The following FANCA variants were observed in gnomAD, a reference collection of about 807,000 sequenced individuals.
FANCA encodes the protein Fanconi anemia group A protein.
FANCA carries 236 observed loss-of-function variants against 194.3 expected under a neutral mutation model. That is an observed-to-expected ratio of 1.21 (90% CI 1.09 to 1.35). The LOEUF (loss-of-function observed/expected upper bound fraction) is 1.35. Among genes scored for constraint, FANCA ranks in the 40% most tolerant of loss-of-function variants. The pLI is 0.00. For missense variants in FANCA, 2,628 were observed against 1,813.9 expected, an observed-to-expected ratio of 1.45 and a Z score of -8.15; for synonymous variants, 1,014 against 715.8, an observed-to-expected ratio of 1.42 and a Z score of -6.65.
chr16:89,816,372 G>T (rs1398955116), intron 1 of FANCA, 165 bp downstream of exon 1: 1 of 434,976 alleles, frequency 2.3e-6, no homozygotes, highest in African/African-American at 2.1e-5. Context: ...GGCCGGGTCC[G>T]AGGCAGCCGC....
intron 6 of FANCA, among the ~76,000 whole-genome samples, chr16:89,807,686 C>T (rs992644098): frequency 1.3e-5 from 2 of 151,596 alleles, no homozygotes; most frequent in Non-Finnish European, 2.9e-5. Flanking sequence ...AGATGGAGCC[C>T]ATCCTGGCTA....
At chr16:89,762,877 C>T (rs1263079089) in intron 28 of FANCA, 1 of 331,526 alleles carries the variant, frequency 3.0e-6, no homozygotes, top group Non-Finnish European at 6.3e-6. Flanking sequence ...CCGAGGCAGG[C>T]AGATCACGAG....
intron 20 of FANCA, among the ~76,000 whole-genome samples, chr16:89,776,117 T>C (rs186940361): frequency 2.0e-5 from 3 of 149,922 alleles, no homozygotes; most frequent in Admixed American, 2.0e-4. Flanking sequence ...TCTCATACAA[T>C]TTTTGGTAAT....
chr16:89,779,027 T>C (rs1345218800), intron 18 of FANCA, 24 bp from the exon 19 acceptor site: 1 of 1,611,462 alleles, frequency 6.2e-7, no homozygotes, highest in Non-Finnish European at 8.5e-7. Flanking sequence ...AAGCAGACAG[T>C]GCATCAGTCA....
At position 89,745,034 on chromosome 16, in the gene FANCA, C is replaced by T. The variant is rs147672303; in HGVS notation, c.3551G>A (p.Arg1184Gln). ...CGGGCTCTGGCAGTGTCTCCTCCAC[C>T]GGCAGAGCAGCACAGGCTCCAGGCT... Reference protein sequence around the residue: ...WPSLEPVLLCRWRRHCQSPLP... With the variant: ...WPSLEPVLLCQWRRHCQSPLP... The change falls in exon 36 of 43, where the codon CGG becomes CAG. Residue 1184 changes from arginine to glutamine, a missense_variant. Transcript: ENST00000389301. 8.7e-6 allele frequency: 14 copies of T among 1,609,862 alleles called. No homozygotes were observed. The highest frequency in any genetic ancestry group is 1.3e-5 in the African/African-American group (1 of 74,922).
At chr16:89,740,592 C>T in intron 38 of FANCA, 1 of 581,304 alleles carries the variant, frequency 1.7e-6, no homozygotes. Context: ...GCTGAGATCA[C>T]ACCACTGCAC....
intron 20 of FANCA, 145 bp downstream of exon 20, chr16:89,778,656 A>AG: frequency 3.1e-6 from 2 of 647,128 alleles, no homozygotes; most frequent in Non-Finnish European, 5.2e-6. Flanking sequence ...AAAAAAAAAA[A>AG]AGTAACCAAC....
intron 32 of FANCA, among the ~76,000 whole-genome samples, 173 bp from the exon 33 acceptor site, chr16:89,748,940 C>G (rs2038485619): frequency 6.6e-6 from 1 of 152,178 alleles, no homozygotes; most frequent in Non-Finnish European, 1.5e-5. Flanking sequence ...CTGAGCCCAC[C>G]TCCCCTATAC....
At chr16:89,812,661 A>AC (rs2040938581) in intron 3 of FANCA, among the ~76,000 whole-genome samples, 5 of 150,818 alleles carry the variant, frequency 3.3e-5, no homozygotes, top group Admixed American at 2.0e-4. Flanking sequence ...AAAAAAAAAA[A>AC]AAAAAAAAAC....
intron 36 of FANCA, 121 bp downstream of exon 36, chr16:89,744,838 C>G: frequency 1.1e-6 from 1 of 901,518 alleles, no homozygotes; most frequent in South Asian, 1.4e-5. Context: ...TTTCTCCCTG[C>G]TCACACGAGA....
At chr16:89,748,614 C>T in intron 33 of FANCA, 45 bp downstream of exon 33, 1 of 1,433,922 alleles carries the variant, frequency 7.0e-7, no homozygotes, top group Non-Finnish European at 9.8e-7. Flanking sequence ...GTTAGCGCCA[C>T]AGGCACTGAC....
Position 89,759,330 on chromosome 16 carries a change from A to AAAAAAAAAAAAAAAAAAAAAAG in FANCA, c.2853-626_2853-625insCTTTTTTTTTTTTTTTTTTTTT, listed in dbSNP as rs2038869287. Among the ~76,000 whole-genome samples the AAAAAAAAAAAAAAAAAAAAAAG allele has an allele frequency of 1.4e-5, 2 of 145,200 alleles. 1 individual carries two copies. Among genetic ancestry groups the AAAAAAAAAAAAAAAAAAAAAAG allele is most frequent in the African/African-American group, 5.0e-5 (2 of 39,758 alleles). On this transcript the variant is annotated intron_variant, in intron 29 of 42. Transcript: ENST00000389301. ...GCGAGACTCCGTCTAAAAAAAAAAA[A>AAAAAAAAAAAAAAAAAAAAAAG]AAAAAAAAAAAAAAAAAAAGTAGCC...
At chr16:89,805,541 C>G in intron 6 of FANCA, 149 bp from the exon 7 acceptor site, 1 of 655,530 alleles carries the variant, frequency 1.5e-6, no homozygotes, top group Non-Finnish European at 2.8e-6. Context: ...TCACTGCACC[C>G]TCGACCTCCC....
At chr16:89,782,381 G>A (rs1299298102) in intron 17 of FANCA, among the ~76,000 whole-genome samples, 2 of 151,246 alleles carry the variant, frequency 1.3e-5, no homozygotes, top group African/African-American at 4.9e-5. Context: ...GCGTGGTGGC[G>A]GCTCCTGTAG....
rs141312452 is a variant in FANCA at position 89,815,710 on chromosome 16, G to A, written c.189+167C>T. ...AATAAAAGAGGCGGGGTCTCACCCC[G>A]TTGCCCAGGTTGGTCCAGAACTCCC... On this transcript the variant is annotated intron_variant, in intron 2 of 42. Transcript: ENST00000389301. Among the ~76,000 whole-genome samples, 241 of 152,088 alleles carry A rather than the reference G, an allele frequency of 1.6e-3. 1 individual carries two copies. The highest frequency in any genetic ancestry group is 5.1e-3 in the African/African-American group (212 of 41,478).
At chr16:89,796,088 C>G in intron 10 of FANCA, 70 bp from the exon 11 acceptor site, 1 of 1,186,372 alleles carries the variant, frequency 8.4e-7, no homozygotes, top group South Asian at 1.2e-5. Flanking sequence ...AATCCCAGCA[C>G]AAACTGTGGC....
chr16:89,776,446 C>T (rs561077749), intron 20 of FANCA, among the ~76,000 whole-genome samples: 2 of 151,252 alleles, frequency 1.3e-5, no homozygotes, highest in Non-Finnish European at 2.9e-5. Flanking sequence ...GGATTACAGG[C>T]GTGAGCCACC....
intron 26 of FANCA, 100 bp from the exon 27 acceptor site, chr16:89,767,337 C>T (rs997490933): frequency 2.1e-5 from 18 of 845,690 alleles, no homozygotes; most frequent in African/African-American, 1.7e-4. Flanking sequence ...TAGTGCATTC[C>T]GAACTGGATG....
intron 28 of FANCA, among the ~76,000 whole-genome samples, chr16:89,764,286 T>C (rs1293455479): frequency 6.6e-6 from 1 of 152,176 alleles, no homozygotes; most frequent in East Asian, 1.9e-4. Context: ...TGAGAAAGTA[T>C]AGCAGGGTTT....
Sources: gnomAD v4.1 joint callset for allele counts (sites outside exome capture counted in the v4.1 genomes callset) on GRCh38, gnomAD v4.1.1 for gene constraint, MANE v1.5 for transcripts, NCBI Gene and HGNC (gene_info 2026-07-23, HGNC 2026-07-21) for gene names.